The following SHANK2 variants were observed in gnomAD, a reference collection of about 807,000 sequenced individuals.
The protein encoded by SHANK2 is SH3 and multiple ankyrin repeat domains 2.
Under a neutral mutation model 133.7 loss-of-function variants are expected in SHANK2, and 43 were observed. The ratio of observed to expected loss-of-function variants is 0.32; its 90% CI spans 0.25 to 0.41. SHANK2 has a LOEUF of 0.41. SHANK2 is among the 10% of genes least tolerant of loss of function. SHANK2 has a pLI of 1.00. For synonymous variants in SHANK2, 1,017 were observed against 952.8 expected, an observed-to-expected ratio of 1.07 and a Z score of -1.24; for missense variants, 1,994 against 2,235.8, an observed-to-expected ratio of 0.89 and a Z score of 2.18.
rs536947797 is a variant in SHANK2 at position 70,825,806 on chromosome 11, CTG to C, written c.1175-5126_1175-5125del. Among the ~76,000 whole-genome samples, 135 of 151,992 alleles carry C rather than the reference CTG, an allele frequency of 8.9e-4. 1 individual carries two copies. Among genetic ancestry groups the C allele is most frequent in the Middle Eastern group, 6.8e-3 (2 of 294 alleles). ...TTTTTGTGAAAAGGGTTAAAAATAA[CTG>C]TTTTCTGTCTGAAAATGATTAATAT... On this transcript the variant is annotated intron_variant, in intron 11 of 25. Coordinates refer to ENST00000601538, the MANE Select transcript of SHANK2 (RefSeq NM_012309.5).
At chr11:70,866,285 A>G (rs1949357820) in intron 11 of SHANK2, among the ~76,000 whole-genome samples, 1 of 152,028 alleles carries the variant, frequency 6.6e-6, no homozygotes, top group Non-Finnish European at 1.5e-5. Context: ...GCCACAGCCC[A>G]TCGCACCCCG....
chr11:70,816,331 C>T (rs782475485), intron 12 of SHANK2, among the ~76,000 whole-genome samples: 10 of 152,218 alleles, frequency 6.6e-5, no homozygotes, highest in South Asian at 6.2e-4. Context: ...GTAGCCCTGG[C>T]GGTCAGCACT....
chr11:70,804,450 C>T lies in SHANK2; in HGVS notation c.1663+2552G>A, dbSNP rs1043123158. Reference sequence around the variant, plus strand: ...TTTCAGAACAGCAGTCCTTTGCCATCGATCCTTTGAAGTGTGAGTTTTGGA... The same window carrying T: ...TTTCAGAACAGCAGTCCTTTGCCATTGATCCTTTGAAGTGTGAGTTTTGGA... On this transcript the variant is annotated intron_variant, in intron 13 of 25. Coordinates refer to ENST00000601538, the MANE Select transcript of SHANK2 (RefSeq NM_012309.5). This position sits in a 1 kb window ranked among gnomAD's most constrained non-coding sequence, Gnocchi z 4.1. Among the ~76,000 whole-genome samples the T allele has an allele frequency of 6.6e-6, 1 of 152,178 alleles. No individual in the cohort carries two copies. The highest frequency in any genetic ancestry group is 1.5e-5 in the Non-Finnish European group (1 of 68,040).
At chr11:70,755,911 T>C (rs1287288131) in intron 14 of SHANK2, among the ~76,000 whole-genome samples, 1 of 152,186 alleles carries the variant, frequency 6.6e-6, no homozygotes, top group African/African-American at 2.4e-5. Context: ...AGGATGGCTT[T>C]CCGTTGCCCA....
At chr11:70,745,211 T>C (rs1237333913) in intron 14 of SHANK2, among the ~76,000 whole-genome samples, 2 of 152,232 alleles carry the variant, frequency 1.3e-5, no homozygotes, top group African/African-American at 4.8e-5. Context: ...GCCCCGCCTT[T>C]CTCTGCTACA....
At chr11:70,546,657 T>C (rs1207183195) in intron 17 of SHANK2, among the ~76,000 whole-genome samples, 1 of 152,214 alleles carries the variant, frequency 6.6e-6, no homozygotes, top group Non-Finnish European at 1.5e-5. Flanking sequence ...TGGGCTGGTG[T>C]AGACCCCTGG....
chr11:71,108,156 C>T (rs1951829364), intron 6 of SHANK2, among the ~76,000 whole-genome samples: 1 of 152,216 alleles, frequency 6.6e-6, no homozygotes, highest in Non-Finnish European at 1.5e-5. Flanking sequence ...CACCTGGGTC[C>T]ATTTACCTTC....
intron 10 of SHANK2, among the ~76,000 whole-genome samples, chr11:70,923,938 G>A (rs1950389565): frequency 6.6e-6 from 1 of 152,182 alleles, no homozygotes; most frequent in Admixed American, 6.5e-5. Flanking sequence ...TAAGAATGCA[G>A]ACCGGTGAAC....
chr11:70,493,210 T>C (rs1405293632), intron 21 of SHANK2, among the ~76,000 whole-genome samples: 1 of 148,548 alleles, frequency 6.7e-6, no homozygotes, highest in Admixed American at 6.7e-5. Context: ...GACTCAGACA[T>C]ATGGTTCCTT....
rs782618146 is a variant in SHANK2, at chr11:70,502,778, G to A, written c.2197+18C>T. 1.9e-6 allele frequency: 3 copies of A among 1,600,804 alleles called. No homozygotes were observed. The highest frequency in any genetic ancestry group is 3.4e-5 in the Admixed American group (2 of 58,876). ...CAGTAGGGCCCCAGGCTGGAGCTGG[G>A]CGATGTGGGGCATGTACCTTTCTTC... On this transcript the variant is annotated intron_variant, in intron 18 of 25. Coordinates refer to ENST00000601538, the MANE Select transcript of SHANK2 (RefSeq NM_012309.5).
intron 14 of SHANK2, among the ~76,000 whole-genome samples, chr11:70,732,348 A>G (rs1946308508): frequency 6.6e-6 from 1 of 152,126 alleles, no homozygotes; most frequent in Non-Finnish European, 1.5e-5. Context: ...CTCTGGCCTG[A>G]GCCACCTTCC....
intron 17 of SHANK2, among the ~76,000 whole-genome samples, chr11:70,558,943 A>G (rs1390233535): frequency 2.6e-5 from 4 of 152,238 alleles, no homozygotes; most frequent in African/African-American, 7.2e-5. Flanking sequence ...GCTCGGGGCA[A>G]TGTGCACACA....
At chr11:70,556,385 TTCTTTCTTTCTC>T (rs1392435752) in intron 17 of SHANK2, among the ~76,000 whole-genome samples, 5 of 91,906 alleles carry the variant, frequency 5.4e-5, no homozygotes, top group Admixed American at 4.0e-4. Context: ...CTCTGTCTCT[TTCTTTCTTTCTC>T]TCTCTCTCTC....
At chr11:71,202,233 C>G (rs1313045302) in intron 2 of SHANK2, among the ~76,000 whole-genome samples, 1 of 152,240 alleles carries the variant, frequency 6.6e-6, no homozygotes, top group Non-Finnish European at 1.5e-5. Flanking sequence ...GAACTCACCT[C>G]AGAGGCCACT....
At chr11:70,919,413 A>C in intron 10 of SHANK2, among the ~76,000 whole-genome samples, 1 of 148,800 alleles carries the variant, frequency 6.7e-6, no homozygotes, top group South Asian at 2.1e-4. Flanking sequence ...ACCGAGTCTC[A>C]CTCTGTTGCC....
intron 2 of SHANK2, among the ~76,000 whole-genome samples, chr11:71,183,893 G>A (rs1169946358): frequency 1.3e-5 from 2 of 152,174 alleles, no homozygotes; most frequent in Admixed American, 6.5e-5. Context: ...AACCTTGTAG[G>A]GGGAGAGGTT....
At chr11:70,734,049 G>T (rs1178926143) in intron 14 of SHANK2, among the ~76,000 whole-genome samples, 2 of 152,140 alleles carry the variant, frequency 1.3e-5, no homozygotes, top group African/African-American at 4.8e-5. Context: ...TGGGGAGAGG[G>T]GAAGAGTCAC....
intron 9 of SHANK2, among the ~76,000 whole-genome samples, chr11:71,074,189 C>T (rs1272796317): frequency 2.6e-5 from 4 of 152,188 alleles, no homozygotes; most frequent in African/African-American, 7.2e-5. Context: ...AAGGCCTTCC[C>T]GGTGCCCCCC....
At chr11:70,891,419 G>A (rs889758436) in intron 11 of SHANK2, among the ~76,000 whole-genome samples, 3 of 151,168 alleles carry the variant, frequency 2.0e-5, no homozygotes, top group Non-Finnish European at 3.0e-5. Context: ...AGAGAATGGC[G>A]TGAACCCGGG....
Sources: gnomAD v4.1 joint callset for allele counts (sites outside exome capture counted in the v4.1 genomes callset) on GRCh38, gnomAD v4.1.1 for gene constraint, Gnocchi (gnomAD v3.1) non-coding constraint, MANE v1.5 for transcripts, NCBI Gene and HGNC (gene_info 2026-07-23, HGNC 2026-07-21) for gene names.